Variants in PKP4 observed in about 807,000 individuals in gnomAD.
PKP4 encodes the protein plakophilin 4, also known as plakophilin-4.
In PKP4, 90 loss-of-function variants were observed where a neutral mutation model predicts 145.1. The ratio of observed to expected loss-of-function variants is 0.62; its 90% CI spans 0.52 to 0.74. PKP4 has a LOEUF of 0.74. Among genes scored for constraint, PKP4 ranks in the 30% least tolerant of loss-of-function variants. The probability of loss-of-function intolerance (pLI) is 0.00; values close to 1 mark genes in which losing one functional copy is unlikely to be tolerated. For synonymous variants in PKP4, 563 were observed against 577.2 expected, an observed-to-expected ratio of 0.98 and a Z score of 0.35; for missense variants, 1,340 against 1,482.7, an observed-to-expected ratio of 0.90 and a Z score of 1.58.
At chr2:158,492,046 T>C (rs1001393009) in intron 1 of PKP4, among the ~76,000 whole-genome samples, 1 of 152,148 alleles carries the variant, frequency 6.6e-6, no homozygotes. Context: ...TAGGCTGAAA[T>C]AGTCCTCCTA....
At chr2:158,603,174 T>C in intron 4 of PKP4, 70 bp downstream of exon 4, 1 of 831,036 alleles carries the variant, frequency 1.2e-6, no homozygotes, top group Non-Finnish European at 1.9e-6. Context: ...CTTAACTTAC[T>C]ATCTCTTGGT....
At chr2:158,590,856 T>A (rs1028477502) in intron 3 of PKP4, among the ~76,000 whole-genome samples, 63 of 152,062 alleles carry the variant, frequency 4.1e-4, no homozygotes, top group African/African-American at 1.5e-3. Context: ...AATGAATGGA[T>A]CAGGCTGACA....
At chr2:158,547,912 C>T (rs1478869834) in intron 2 of PKP4, among the ~76,000 whole-genome samples, 4 of 152,194 alleles carry the variant, frequency 2.6e-5, no homozygotes, top group African/African-American at 9.7e-5. Flanking sequence ...TCCGTGAAGT[C>T]GGCCAACAAG....
intron 15 of PKP4, among the ~76,000 whole-genome samples, chr2:158,665,210 G>T (rs1056012424): frequency 5.9e-5 from 9 of 152,172 alleles, no homozygotes; most frequent in Admixed American, 2.0e-4. Flanking sequence ...GGCTGGGCTG[G>T]TAGGTCTCCA....
intron 1 of PKP4, among the ~76,000 whole-genome samples, chr2:158,501,884 T>G (rs1696636346): frequency 6.6e-6 from 1 of 152,198 alleles, no homozygotes; most frequent in Non-Finnish European, 1.5e-5. Flanking sequence ...TACTTTTCAG[T>G]CCTTGGTATC....
intron 4 of PKP4, among the ~76,000 whole-genome samples, chr2:158,618,772 T>C (rs2051902207): frequency 6.6e-6 from 1 of 151,948 alleles, no homozygotes; most frequent in African/African-American, 2.4e-5. Context: ...TTTTAAAAAG[T>C]GGGTGGGCAG....
intron 1 of PKP4, among the ~76,000 whole-genome samples, chr2:158,506,325 A>G (rs2040972341): frequency 6.6e-6 from 1 of 152,158 alleles, no homozygotes; most frequent in Non-Finnish European, 1.5e-5. Flanking sequence ...CTGTTTTTAT[A>G]ATTTTTTGTA....
chr2:158,663,332 T>C lies in PKP4; in HGVS notation c.2464T>C (p.Trp822Arg). 1 of 1,614,122 alleles carries C rather than the reference T, an allele frequency of 6.2e-7. No homozygotes were observed. Among genetic ancestry groups the C allele is most frequent in the Non-Finnish European group, 8.5e-7 (1 of 1,179,976 alleles). Reference protein sequence around the residue: ...SKSPKGVEMLWHPSVVKPYLT... With the variant: ...SKSPKGVEMLRHPSVVKPYLT... The stretch of plus-strand genomic sequence containing the variant: ...GTCCCCCAAAGGGGTTGAGATGCTG[T>C]GGCACCCATCGGTGGTAAAACCATA... The change falls in exon 15 of 22, where the codon TGG becomes CGG. Residue 822 changes from tryptophan (W) to arginine (R), a missense_variant. Trp to Arg is a moderately radical substitution (Grantham distance 101, BLOSUM62 -3). Transcript: ENST00000389759.
At chr2:158,588,533 G>C (rs566618567) in intron 3 of PKP4, among the ~76,000 whole-genome samples, 3 of 151,874 alleles carry the variant, frequency 2.0e-5, no homozygotes, top group African/African-American at 7.3e-5. Context: ...TGTTATTTTT[G>C]GTTCTATCAT....
chr2:158,491,323 C>T (rs1694903229), intron 1 of PKP4, among the ~76,000 whole-genome samples: 2 of 152,172 alleles, frequency 1.3e-5, no homozygotes, highest in African/African-American at 4.8e-5. Flanking sequence ...TTTGCCTGAG[C>T]TGTGCGGTGC....
chr2:158,605,882 A>G (rs552408249), intron 4 of PKP4, among the ~76,000 whole-genome samples: 13 of 152,254 alleles, frequency 8.5e-5, no homozygotes, highest in Admixed American at 7.8e-4. Flanking sequence ...TTTCAGTTGA[A>G]TAGAATCATA....
chr2:158,484,387 G>A (rs1214980909), intron 1 of PKP4, among the ~76,000 whole-genome samples: 1 of 152,188 alleles, frequency 6.6e-6, no homozygotes, highest in Non-Finnish European at 1.5e-5. Flanking sequence ...TGCTAACTCA[G>A]CGTCATTTCC....
intron 3 of PKP4, among the ~76,000 whole-genome samples, chr2:158,578,645 A>G (rs765867231): frequency 1.3e-5 from 2 of 152,166 alleles, no homozygotes; most frequent in African/African-American, 4.8e-5. Context: ...GTATGAACCA[A>G]CTGGTTTTGT....
At chr2:158,664,422 T>C (rs1377044787) in intron 15 of PKP4, among the ~76,000 whole-genome samples, 2 of 152,202 alleles carry the variant, frequency 1.3e-5, no homozygotes, top group African/African-American at 2.4e-5. Context: ...CCCCAGCAAC[T>C]TCCCAGACAG....
At chr2:158,662,871 T>C in intron 13 of PKP4, 26 bp from the exon 14 acceptor site, 1 of 1,571,382 alleles carries the variant, frequency 6.4e-7, no homozygotes, top group Non-Finnish European at 8.6e-7. Context: ...GAGTTGTTTT[T>C]AATTATACGC....
intron 21 of PKP4, among the ~76,000 whole-genome samples, chr2:158,680,125 G>A (rs2058340755): frequency 6.6e-6 from 1 of 152,124 alleles, no homozygotes; most frequent in African/African-American, 2.4e-5. Context: ...CACACAGCAG[G>A]GCCTCCAGTA....
intron 2 of PKP4, among the ~76,000 whole-genome samples, chr2:158,562,668 A>G (rs2046636704): frequency 6.6e-6 from 1 of 152,248 alleles, no homozygotes; most frequent in African/African-American, 2.4e-5. Context: ...TACATATATC[A>G]TCACCTGTTT....
intron 4 of PKP4, among the ~76,000 whole-genome samples, chr2:158,617,102 T>C (rs971487352): frequency 3.3e-5 from 5 of 152,212 alleles, no homozygotes; most frequent in Admixed American, 2.0e-4. Flanking sequence ...CTTTTTCTAA[T>C]TACATAGTTT....
intron 2 of PKP4, among the ~76,000 whole-genome samples, chr2:158,571,087 T>C (rs1247341273): frequency 8.5e-5 from 13 of 152,108 alleles, no homozygotes; most frequent in African/African-American, 3.1e-4. Flanking sequence ...AGGAGTTGAG[T>C]TGTCAAGCTG....
Sources: allele counts gnomAD v4.1 joint callset (sites outside exome capture counted in the v4.1 genomes callset), GRCh38; gene constraint gnomAD v4.1.1; transcripts MANE v1.5; gene names NCBI Gene and HGNC (gene_info 2026-07-23, HGNC 2026-07-21).